The following FNDC7 variants were observed in gnomAD, a reference collection of about 807,000 sequenced individuals.
FNDC7 encodes the protein fibronectin type III domain-containing protein 7.
FNDC7 carries 66 observed loss-of-function variants against 74.2 expected under a neutral mutation model. The observed-to-expected ratio is 0.89, with a 90% CI of 0.73 to 1.09. The LOEUF (loss-of-function observed/expected upper bound fraction) is 1.09. FNDC7 is among the 50% of genes least tolerant of loss of function. FNDC7 has a pLI of 0.00. For synonymous variants in FNDC7, 307 were observed against 330.2 expected, an observed-to-expected ratio of 0.93 and a Z score of 0.76; for missense variants, 829 against 893.4, an observed-to-expected ratio of 0.93 and a Z score of 0.92.
chr1:108,716,493 T>C (rs1358046851), intron 2 of FNDC7, among the ~76,000 whole-genome samples: 1 of 151,960 alleles, frequency 6.6e-6, no homozygotes, highest in African/African-American at 2.4e-5. Context: ...GCCTGAGATT[T>C]TCCTCCAGCA....
At position 108,742,136 on chromosome 1, in the gene FNDC7, T is replaced by A. The variant is rs1328237587; in HGVS notation, c.*249T>A. ...AGAGAAATGAATCCAGAAAGTCCCC[T>A]GGACGGCTGCTAGCCTGAGTTGGCA... On this transcript the variant is annotated 3_prime_UTR_variant, in exon 13 of 13. Transcript: ENST00000370017. 2.9e-6 allele frequency: 1 copy of A among 340,826 alleles called. No individual in the cohort carries two copies. The highest frequency in any genetic ancestry group is 2.2e-5 in the African/African-American group (1 of 46,086). The allele number at this position is 340,826 out of a possible 1,614,324, so 21.1% of individuals were successfully genotyped here.
intron 9 of FNDC7, among the ~76,000 whole-genome samples, chr1:108,732,265 C>T (rs895774067): frequency 7.0e-6 from 1 of 142,838 alleles, no homozygotes; most frequent in African/African-American, 2.7e-5. Context: ...AGGCTGAGGC[C>T]GGAGAATGGC....
intron 2 of FNDC7, among the ~76,000 whole-genome samples, chr1:108,714,547 A>T (rs2990871): frequency 0.55 from 82,219 of 150,182 alleles, 24,931 homozygotes; most frequent in East Asian, 0.8. Context: ...TTCTTGAGAG[A>T]TCTTTAGGAT....
intron 3 of FNDC7, among the ~76,000 whole-genome samples, 200 bp from the exon 4 acceptor site, chr1:108,718,587 TTC>T (rs1158335253): frequency 1.3e-5 from 2 of 152,242 alleles, no homozygotes; most frequent in African/African-American, 2.4e-5. Context: ...TATTTAGCGT[TTC>T]TCTGTTTCCC....
rs758214045 is a variant in FNDC7 at position 108,722,564 on chromosome 1, A to C, written c.828A>C (p.Lys276Asn). 4 of 1,614,004 alleles carry C rather than the reference A, an allele frequency of 2.5e-6. No individual in the cohort carries two copies. The highest frequency in any genetic ancestry group is 2.2e-5 in the South Asian group (2 of 91,048). ...VLASNDAGSSKSSSAMTLKTV... is the reference protein window; with the variant it reads ...VLASNDAGSSNSSSAMTLKTV... ...CAAGTAATGATGCTGGATCTAGCAAATCATCTTCAGCAATGACCCTGAAAA... is the reference window on the plus strand; with the variant it reads ...CAAGTAATGATGCTGGATCTAGCAACTCATCTTCAGCAATGACCCTGAAAA... The change falls in exon 5 of 13, where the codon AAA becomes AAC. Residue 276 changes from lysine to asparagine, a missense_variant. Transcript: ENST00000370017.
rs199906161 is a variant in FNDC7, at chr1:108,726,020, T to C, written c.1111+16T>C. The C allele has an allele frequency of 1.2e-6, 2 of 1,613,164 alleles. No individual in the cohort carries two copies. Among genetic ancestry groups the C allele is most frequent in the Admixed American group, 1.7e-5 (1 of 59,962 alleles). ...TATACCACAGGTAAGTCCCATTTGA[T>C]GTTTGTTAAGGGAGTTCTGAGATCT... On this transcript the variant is annotated intron_variant, in intron 6 of 12. Coordinates refer to ENST00000370017, the MANE Select transcript of FNDC7 (RefSeq NM_001144937.3).
intron 6 of FNDC7, 25 bp from the exon 7 acceptor site, chr1:108,727,783 A>G: frequency 6.2e-7 from 1 of 1,612,456 alleles, no homozygotes; most frequent in Non-Finnish European, 8.5e-7. Context: ...TGGGACCGCC[A>G]TTTTCCCTCT....
intron 6 of FNDC7, among the ~76,000 whole-genome samples, chr1:108,726,958 G>A (rs901661378): frequency 1.3e-5 from 2 of 152,098 alleles, no homozygotes; most frequent in African/African-American, 4.8e-5. Context: ...ATGTAGGTGG[G>A]GCAAGAGCAT....
intron 4 of FNDC7, 50 bp downstream of exon 4, chr1:108,719,099 G>A: frequency 6.5e-7 from 1 of 1,544,236 alleles, no homozygotes; most frequent in Non-Finnish European, 8.8e-7. Context: ...TGATTAATGA[G>A]GGGGGCTGTG....
At chr1:108,738,131 G>A (rs1277733039) in intron 11 of FNDC7, among the ~76,000 whole-genome samples, 2 of 152,232 alleles carry the variant, frequency 1.3e-5, no homozygotes, top group Non-Finnish European at 2.9e-5. Context: ...TGGCGATGCC[G>A]AGGCTGCTGG....
intron 10 of FNDC7, among the ~76,000 whole-genome samples, chr1:108,735,279 C>G (rs952211556): frequency 6.6e-6 from 1 of 152,190 alleles, no homozygotes; most frequent in Non-Finnish European, 1.5e-5. Context: ...CCACCTCTCC[C>G]CTAGACTACT....
At chr1:108,726,848 T>G (rs1661230067) in intron 6 of FNDC7, among the ~76,000 whole-genome samples, 1 of 152,168 alleles carries the variant, frequency 6.6e-6, no homozygotes, top group South Asian at 2.1e-4. Flanking sequence ...TCTAAATCAT[T>G]GGTGCCTTTG....
chr1:108,737,113 T>C (rs532955295), intron 10 of FNDC7, among the ~76,000 whole-genome samples: 13 of 152,112 alleles, frequency 8.5e-5, no homozygotes, highest in Admixed American at 5.2e-4. Flanking sequence ...ATTACAGGTG[T>C]GCACAACTAC....
intron 11 of FNDC7, among the ~76,000 whole-genome samples, chr1:108,740,337 T>C (rs1318247516): frequency 6.9e-6 from 1 of 144,814 alleles, no homozygotes; most frequent in East Asian, 2.0e-4. Flanking sequence ...TTTTTTTTTT[T>C]TTTTTTTTGA....
At chr1:108,739,226 A>G (rs967330495) in intron 11 of FNDC7, among the ~76,000 whole-genome samples, 11 of 152,228 alleles carry the variant, frequency 7.2e-5, no homozygotes, top group African/African-American at 2.7e-4. Flanking sequence ...GAGAGCAGGC[A>G]TGGTGGCTCA....
chr1:108,719,279 C>T (rs946358528), intron 4 of FNDC7, among the ~76,000 whole-genome samples: 2 of 152,188 alleles, frequency 1.3e-5, no homozygotes, highest in Admixed American at 6.5e-5. Flanking sequence ...AGCATGGCTC[C>T]GCCCTCTAAT....
Position 108,712,974 on chromosome 1 carries a change from T to C in FNDC7, c.41T>C (p.Phe14Ser). 2 of 1,551,700 alleles carry C rather than the reference T, an allele frequency of 1.3e-6. No individual in the cohort carries two copies. The highest frequency in any genetic ancestry group is 1.7e-6 in the Non-Finnish European group (2 of 1,146,972). The change falls in exon 1 of 13, where the codon TTC becomes TCC. Residue 14 changes from phenylalanine (F) to serine (S), a missense_variant. Coordinates refer to ENST00000370017, the MANE Select transcript of FNDC7 (RefSeq NM_001144937.3). ...GAGACATGTTTGCCTTTGATTGGAT[T>C]CATTCTTATCTGTCTTAAAATGGTG... ...GRETCLPLIGFILICLKMVAS... is the reference protein window; with the variant it reads ...GRETCLPLIGSILICLKMVAS...
chr1:108,737,364 C>G (rs926903002), intron 10 of FNDC7, 131 bp from the exon 11 acceptor site: 1 of 676,172 alleles, frequency 1.5e-6, no homozygotes, highest in African/African-American at 1.9e-5. Flanking sequence ...ATCTCCTTCT[C>G]TTATCACCCA....
Position 108,725,958 on chromosome 1 carries a change from C to T in FNDC7, c.1065C>T (p.Asn355=). The T allele has an allele frequency of 5.0e-6, 8 of 1,614,138 alleles. No individual in the cohort carries two copies. The highest frequency in any genetic ancestry group is 6.8e-6 in the Non-Finnish European group (8 of 1,179,976). The change falls in exon 6 of 13, where the codon AAC becomes AAT. Residue 355 remains asparagine (N), a synonymous_variant. Transcript: ENST00000370017. ...FTYFISVFVY[N]KAGQSPLGDI... Reference sequence around the variant, plus strand: ...ATTTTATTAGTGTTTTTGTCTATAACAAGGCAGGGCAAAGTCCTTTGGGTG... The same window carrying T: ...ATTTTATTAGTGTTTTTGTCTATAATAAGGCAGGGCAAAGTCCTTTGGGTG...
Sources: gnomAD v4.1 joint callset for allele counts (sites outside exome capture counted in the v4.1 genomes callset) on GRCh38, gnomAD v4.1.1 for gene constraint, MANE v1.5 for transcripts, NCBI Gene and HGNC (gene_info 2026-07-23, HGNC 2026-07-21) for gene names.